Variants in COA1 observed in about 807,000 individuals in gnomAD.
COA1 encodes the protein cytochrome c oxidase assembly factor 1 homolog.
A neutral mutation model predicts 16.0 loss-of-function variants in COA1; 13 were observed. The ratio of observed to expected loss-of-function variants is 0.81; its 90% CI spans 0.53 to 1.29. The LOEUF (loss-of-function observed/expected upper bound fraction) is 1.29. Ranked by LOEUF, COA1 falls within the 50% of genes most tolerant of loss-of-function variation. The probability of loss-of-function intolerance (pLI) is 0.00; values close to 1 mark genes in which losing one functional copy is unlikely to be tolerated. For synonymous variants in COA1, 65 were observed against 65.7 expected, an observed-to-expected ratio of 0.99 and a Z score of 0.05; for missense variants, 179 against 177.0, an observed-to-expected ratio of 1.01 and a Z score of -0.06.
chr7:43,633,565 T>C (rs1335153595), intron 6 of COA1, among the ~76,000 whole-genome samples: 1 of 149,952 alleles, frequency 6.7e-6, no homozygotes, highest in East Asian at 2.0e-4. Context: ...CAGCTCTCCA[T>C]AATAGAGTAA....
intron 6 of COA1, chr7:43,619,802 A>C: frequency 6.6e-7 from 1 of 1,507,714 alleles, no homozygotes; most frequent in Non-Finnish European, 9.0e-7. Context: ...GGCATGACTC[A>C]TAGTGGAGCC....
intron 2 of COA1, 24 bp from the exon 3 acceptor site, chr7:43,647,658 T>A (rs750315452): frequency 3.8e-6 from 6 of 1,565,672 alleles, no homozygotes; most frequent in Non-Finnish European, 5.3e-6. Context: ...GATACAAATT[T>A]ATTGTAGGAT....
rs1321857528 is a variant in COA1, at chr7:43,645,422, TTTTC to T, written c.116-27_116-24del. On this transcript the variant is annotated intron_variant, in intron 3 of 5. Coordinates refer to ENST00000223336, the MANE Select transcript of COA1 (RefSeq NM_018224.4). ...ACTCTAAGGACGAAAGACACACTTATTTTCTTTATTGAACTTGGTCAGGTAGAAT... is the reference window on the plus strand; with the variant it reads ...ACTCTAAGGACGAAAGACACACTTATTTTATTGAACTTGGTCAGGTAGAAT... 1.9e-6 allele frequency: 3 copies of T among 1,611,678 alleles called. No homozygotes were observed. In the South Asian group the frequency reaches 3.3e-5, roughly 18 times the overall value.
At chr7:43,729,146 G>GT (rs1304732575) in intron 1 of COA1, among the ~76,000 whole-genome samples, 4 of 152,230 alleles carry the variant, frequency 2.6e-5, no homozygotes, top group African/African-American at 9.6e-5. Context: ...TCTTTACAGT[G>GT]TGCTGTTGGG....
At chr7:43,702,487 G>C (rs981161684) in intron 1 of COA1, among the ~76,000 whole-genome samples, 2 of 152,078 alleles carry the variant, frequency 1.3e-5, no homozygotes, top group African/African-American at 2.4e-5. Context: ...ATGCTGTTTT[G>C]GTTACTGTAG....
At chr7:43,670,268 G>A (rs2093174236) in intron 1 of COA1, among the ~76,000 whole-genome samples, 1 of 152,104 alleles carries the variant, frequency 6.6e-6, no homozygotes, top group South Asian at 2.1e-4. Context: ...GGCCAACATG[G>A]TGAAACATGA....
chr7:43,693,720 C>T (rs574210886), intron 1 of COA1, among the ~76,000 whole-genome samples: 3 of 152,218 alleles, frequency 2.0e-5, no homozygotes, highest in East Asian at 3.9e-4. Context: ...CGAATATACC[C>T]TCAACTATCG....
intron 1 of COA1, among the ~76,000 whole-genome samples, chr7:43,684,003 G>A (rs941763910): frequency 6.6e-6 from 1 of 152,174 alleles, no homozygotes; most frequent in Non-Finnish European, 1.5e-5. Context: ...GGAATCATTT[G>A]AGGAAATCAC....
At chr7:43,670,877 G>A (rs1025992237) in intron 1 of COA1, among the ~76,000 whole-genome samples, 1 of 152,156 alleles carries the variant, frequency 6.6e-6, no homozygotes, top group South Asian at 2.1e-4. Flanking sequence ...CACAGGATGT[G>A]TTTCATAATC....
intron 6 of COA1, among the ~76,000 whole-genome samples, chr7:43,622,027 G>A (rs2083950101): frequency 1.3e-5 from 2 of 152,148 alleles, no homozygotes; most frequent in South Asian, 4.1e-4. Context: ...GCTAGTAATA[G>A]TACCGACCTC....
At chr7:43,691,674 T>C (rs1368666189) in intron 1 of COA1, among the ~76,000 whole-genome samples, 1 of 152,210 alleles carries the variant, frequency 6.6e-6, no homozygotes. Context: ...ACACCTGCTC[T>C]ATCCTCTGAC....
chr7:43,650,978 G>C (rs2090648920), intron 1 of COA1, among the ~76,000 whole-genome samples: 1 of 152,140 alleles, frequency 6.6e-6, no homozygotes, highest in Non-Finnish European at 1.5e-5. Context: ...TCAGGGGTCA[G>C]TGGGGGGCAG....
rs111640893 is a variant in COA1 at position 43,645,433 on chromosome 7, G to T, written c.116-34C>A. The stretch of plus-strand genomic sequence containing the variant: ...GAAAGACACACTTATTTTCTTTATT[G>T]AACTTGGTCAGGTAGAATCTACTAC... On this transcript the variant is annotated intron_variant, in intron 3 of 5. Coordinates refer to ENST00000223336, the MANE Select transcript of COA1 (RefSeq NM_018224.4). 3,021 of 1,604,030 alleles carry T rather than the reference G, an allele frequency of 1.9e-3. 55 individuals are homozygous for T. The African/African-American group carries it at 0.036, about 19-fold the overall frequency.
chr7:43,647,741 G>A (rs989177295), intron 2 of COA1, 107 bp from the exon 3 acceptor site: 7 of 818,406 alleles, frequency 8.6e-6, no homozygotes, highest in Non-Finnish European at 1.4e-5. Flanking sequence ...AAGCCAGAAA[G>A]GAGGCCAGAC....
intron 1 of COA1, among the ~76,000 whole-genome samples, chr7:43,689,526 T>C (rs2094181304): frequency 6.6e-6 from 1 of 152,122 alleles, no homozygotes; most frequent in Non-Finnish European, 1.5e-5. Context: ...CAGCCACAAA[T>C]ACCTTCAAAA....
chr7:43,699,649 C>T (rs943292416), intron 1 of COA1, among the ~76,000 whole-genome samples: 1 of 152,096 alleles, frequency 6.6e-6, no homozygotes, highest in Non-Finnish European at 1.5e-5. Flanking sequence ...TACACAGAAG[C>T]TTATTTGATG....
chr7:43,644,784 AGGCAGG>A (rs2088592500), intron 4 of COA1, among the ~76,000 whole-genome samples: 1 of 115,984 alleles, frequency 8.6e-6, no homozygotes. Context: ...GCAGGCAGGC[AGGCAGG>A]CAGAGAGACA....
Position 43,685,154 on chromosome 7 carries a change from T to TAA in COA1, c.-38-36504_-38-36503dup, listed in dbSNP as rs35252235. ...GCAACAGAACAAGACTCCCATCTCTTAAAAAAAAAAAAAAAAAAGGAAAAG... is the reference window on the plus strand; with the variant it reads ...GCAACAGAACAAGACTCCCATCTCTTAAAAAAAAAAAAAAAAAAAAGGAAAAG... On this transcript the variant is annotated intron_variant, in intron 1 of 5. Coordinates refer to ENST00000223336, the MANE Select transcript of COA1 (RefSeq NM_018224.4). Among the ~76,000 whole-genome samples, 235 of 127,112 alleles carry TAA rather than the reference T, an allele frequency of 1.8e-3. 6 individuals are homozygous for TAA. In the East Asian group the frequency reaches 0.037, roughly 20 times the overall value. The allele number at this position is 127,112 out of a possible 152,430, so 83.4% of individuals were successfully genotyped here.
intron 1 of COA1, among the ~76,000 whole-genome samples, chr7:43,669,611 C>G (rs1219568204): frequency 2.0e-5 from 3 of 152,180 alleles, no homozygotes; most frequent in Non-Finnish European, 4.4e-5. Flanking sequence ...ACCACCTCCT[C>G]TAGCCTCCTC....
Sources: gnomAD v4.1 joint callset for allele counts (sites outside exome capture counted in the v4.1 genomes callset) on GRCh38, gnomAD v4.1.1 for gene constraint, MANE v1.5 for transcripts, NCBI Gene and HGNC (gene_info 2026-07-23, HGNC 2026-07-21) for gene names.